GPR176: variants seen among roughly 807,000 people sequenced by gnomAD.
GPR176 encodes the protein G protein-coupled receptor 176, also known as G-protein coupled receptor 176.
GPR176 carries 26 observed loss-of-function variants against 35.4 expected under a neutral mutation model. The observed-to-expected ratio is 0.74, with a 90% CI of 0.54 to 1.02. The LOEUF is 1.02. GPR176 is among the 50% of genes least tolerant of loss of function. GPR176 has a pLI of 0.00. For missense variants in GPR176, 597 were observed against 665.3 expected (o/e 0.90, Z 1.13); for synonymous variants, 278 against 271.3 (o/e 1.02, Z -0.24).
intron 1 of GPR176, among the ~76,000 whole-genome samples, chr15:39,901,007 C>T (rs2033261106): frequency 6.6e-6 from 1 of 152,230 alleles, no homozygotes; most frequent in Non-Finnish European, 1.5e-5. Context: ...GAAGCGGTCA[C>T]CTAACCCCAA....
intron 1 of GPR176, among the ~76,000 whole-genome samples, chr15:39,840,278 T>C (rs1008594815): frequency 6.6e-6 from 1 of 152,204 alleles, no homozygotes; most frequent in Admixed American, 6.5e-5. Context: ...GTGATACATA[T>C]ACACCATGGA....
chr15:39,812,585 C>T (rs1899640231), intron 1 of GPR176, among the ~76,000 whole-genome samples: 1 of 152,146 alleles, frequency 6.6e-6, no homozygotes, highest in Admixed American at 6.5e-5. Flanking sequence ...CCTGGCTCCT[C>T]AGCTTGCAGA....
chr15:39,876,648 TCA>T (rs1044148799), intron 1 of GPR176, among the ~76,000 whole-genome samples: 15 of 152,252 alleles, frequency 9.9e-5, no homozygotes, highest in Admixed American at 2.6e-4. Flanking sequence ...TAGTAAATTT[TCA>T]CAGTGAGAAC....
chr15:39,892,014 T>C (rs774158492), intron 1 of GPR176, among the ~76,000 whole-genome samples: 2 of 152,244 alleles, frequency 1.3e-5, no homozygotes, highest in Non-Finnish European at 2.9e-5. Flanking sequence ...TTATTTACTT[T>C]TCTTTCCAAT....
At chr15:39,901,388 G>A (rs2140871132) in intron 1 of GPR176, among the ~76,000 whole-genome samples, 1 of 152,260 alleles carries the variant, frequency 6.6e-6, no homozygotes, top group East Asian at 1.9e-4. Context: ...AAGGGGCCCT[G>A]CCTATTCATA....
chr15:39,869,559 T>G (rs1187430027), intron 1 of GPR176, among the ~76,000 whole-genome samples: 2 of 152,184 alleles, frequency 1.3e-5, no homozygotes, highest in Non-Finnish European at 2.9e-5. Flanking sequence ...CAAATTGTAC[T>G]TCTCCATTCC....
chr15:39,903,194 C>A (rs1180995121), intron 1 of GPR176, among the ~76,000 whole-genome samples: 1 of 152,182 alleles, frequency 6.6e-6, no homozygotes, highest in African/African-American at 2.4e-5. Flanking sequence ...CTTATACTTT[C>A]AACTTACAAT....
chr15:39,890,085 A>T (rs995361438), intron 1 of GPR176, among the ~76,000 whole-genome samples: 1 of 152,162 alleles, frequency 6.6e-6, no homozygotes, highest in African/African-American at 2.4e-5. Flanking sequence ...CAATATGATG[A>T]TATGAAAATA....
chr15:39,909,176 G>A (rs1370053716), intron 1 of GPR176, among the ~76,000 whole-genome samples: 1 of 152,194 alleles, frequency 6.6e-6, no homozygotes, highest in Non-Finnish European at 1.5e-5. Context: ...CAAGGAAAGT[G>A]GACGTGATTA....
At chr15:39,906,062 A>G (rs541872031) in intron 1 of GPR176, among the ~76,000 whole-genome samples, 1 of 152,336 alleles carries the variant, frequency 6.6e-6, no homozygotes, top group African/African-American at 2.4e-5. Context: ...TAAAAAGTTC[A>G]GTTTTTAAAA....
chr15:39,857,053 T>C (rs777184201), intron 1 of GPR176, among the ~76,000 whole-genome samples: 1 of 152,124 alleles, frequency 6.6e-6, no homozygotes, highest in Non-Finnish European at 1.5e-5. Context: ...TATTTATTGG[T>C]TGAGTTTGGG....
chr15:39,901,613 C>T lies in GPR176; in HGVS notation c.172+18242G>A, dbSNP rs552849653. On this transcript the variant is annotated intron_variant, in intron 1 of 2. Transcript: ENST00000561100. ...GTCTTCTAATGACCTTAGCACTTAT[C>T]TTAAACAGCTTTTTCCCTTCCCAAC... 4.6e-5 allele frequency among the ~76,000 whole-genome samples: 7 copies of T among 152,336 alleles called. No homozygotes were observed. In the East Asian group the frequency reaches 1.3e-3, roughly 29 times the overall value.
chr15:39,914,140 T>G (rs1370888781), intron 1 of GPR176, among the ~76,000 whole-genome samples: 2 of 152,152 alleles, frequency 1.3e-5, no homozygotes, highest in Non-Finnish European at 2.9e-5. Flanking sequence ...TCAATAAAGC[T>G]TTTTTTAAAT....
chr15:39,845,645 G>A (rs930783801), intron 1 of GPR176, among the ~76,000 whole-genome samples: 12 of 152,000 alleles, frequency 7.9e-5, no homozygotes, highest in African/African-American at 2.9e-4. Flanking sequence ...AGCCAAGGGC[G>A]AAAACCCTGC....
chr15:39,887,235 G>C (rs1222865617), intron 1 of GPR176, among the ~76,000 whole-genome samples: 5 of 152,126 alleles, frequency 3.3e-5, no homozygotes, highest in Non-Finnish European at 7.4e-5. Context: ...AAAGTGGCTG[G>C]GTCCTAGAAG....
chr15:39,849,914 G>A (rs547398213), intron 1 of GPR176, among the ~76,000 whole-genome samples: 6 of 152,182 alleles, frequency 3.9e-5, no homozygotes, highest in Middle Eastern at 3.4e-3. Context: ...ACACAACTCG[G>A]CTATATGATA....
chr15:39,803,830 A>G (rs971728657), intron 2 of GPR176, among the ~76,000 whole-genome samples: 1 of 152,228 alleles, frequency 6.6e-6, no homozygotes, highest in Non-Finnish European at 1.5e-5. Flanking sequence ...CAGGGGGACC[A>G]GCTGAAGGGG....
At chr15:39,825,211 A>C (rs977591704) in intron 1 of GPR176, among the ~76,000 whole-genome samples, 1 of 152,210 alleles carries the variant, frequency 6.6e-6, no homozygotes, top group Non-Finnish European at 1.5e-5. Context: ...CAAAAAAAGA[A>C]AAAAGGTTTA....
chr15:39,845,725 G>A (rs895471982), intron 1 of GPR176, among the ~76,000 whole-genome samples: 3 of 152,034 alleles, frequency 2.0e-5, no homozygotes, highest in Non-Finnish European at 1.5e-5. Flanking sequence ...GGAGAGAGCT[G>A]GGCAAACAGT....
Sources: allele counts gnomAD v4.1 joint callset (sites outside exome capture counted in the v4.1 genomes callset), GRCh38; gene constraint gnomAD v4.1.1; transcripts MANE v1.5; gene names NCBI Gene and HGNC (gene_info 2026-07-23, HGNC 2026-07-21).